Variants in GABRB3 observed in about 807,000 individuals in gnomAD.
GABRB3 encodes the protein gamma-aminobutyric acid receptor subunit beta-3.
A neutral mutation model predicts 52.1 loss-of-function variants in GABRB3; 14 were observed. The ratio of observed to expected loss-of-function variants is 0.27; its 90% CI spans 0.18 to 0.42. The LOEUF is 0.42. GABRB3 is among the 10% of genes least tolerant of loss of function. GABRB3 has a pLI of 1.00. For synonymous variants in GABRB3, 260 were observed against 232.3 expected, an observed-to-expected ratio of 1.12 and a Z score of -1.08; for missense variants, 307 against 609.1, an observed-to-expected ratio of 0.50 and a Z score of 5.22.
At chr15:26,696,613 T>C (rs932125279) in intron 3 of GABRB3, among the ~76,000 whole-genome samples, 6 of 152,156 alleles carry the variant, frequency 3.9e-5, no homozygotes, top group Non-Finnish European at 8.8e-5. Flanking sequence ...TGACACTGGA[T>C]CAACAGTTAC....
chr15:26,690,863 G>A (rs1043703672), intron 3 of GABRB3, among the ~76,000 whole-genome samples: 1 of 150,290 alleles, frequency 6.7e-6, no homozygotes, highest in African/African-American at 2.4e-5. Context: ...TGATTCTGGT[G>A]CAAGGAATTA....
chr15:26,683,439 T>C (rs1888301852), intron 3 of GABRB3, among the ~76,000 whole-genome samples: 1 of 151,992 alleles, frequency 6.6e-6, no homozygotes, highest in Non-Finnish European at 1.5e-5. Flanking sequence ...AATTGGTCTG[T>C]TCTTTGCTCC....
Position 26,560,920 on chromosome 15 carries a change from T to G in GABRB3, c.1080+12A>C. ...CAGGGACCAGGTGGGGTCAAGGTGG[T>G]GGAGAGCCTACCCGGTTGCTTTCGC... is the stretch of plus-strand genomic sequence containing the variant. On this transcript the variant is annotated intron_variant, in intron 8 of 8. Coordinates refer to ENST00000311550, the MANE Select transcript of GABRB3 (RefSeq NM_000814.6). The G allele has an allele frequency of 6.2e-7, 1 of 1,613,352 alleles. No homozygotes were observed. Among genetic ancestry groups the G allele is most frequent in the South Asian group, 1.1e-5 (1 of 91,034 alleles).
intron 3 of GABRB3, among the ~76,000 whole-genome samples, chr15:26,663,175 CCT>C (rs1463709506): frequency 6.6e-6 from 1 of 152,246 alleles, no homozygotes; most frequent in South Asian, 2.1e-4. Context: ...GACAGGCCTG[CCT>C]CGTGACCCCC....
chr15:26,582,731 T>C (rs1890832657), intron 5 of GABRB3, among the ~76,000 whole-genome samples: 1 of 152,202 alleles, frequency 6.6e-6, no homozygotes, highest in Non-Finnish European at 1.5e-5. Flanking sequence ...TAAATCCAAT[T>C]GAGACTAGTT....
At chr15:26,694,797 T>A (rs890174572) in intron 3 of GABRB3, among the ~76,000 whole-genome samples, 18 of 152,304 alleles carry the variant, frequency 1.2e-4, no homozygotes, top group Admixed American at 2.0e-4. Context: ...CTTAGGGCTC[T>A]AATAGAAAAA....
upstream of GABRB3, chr15:26,773,694 G>A (rs25409): frequency 4.4e-3 from 6,863 of 1,575,188 alleles, 20 homozygotes; most frequent in Non-Finnish European, 5.1e-3. Flanking sequence ...AGCCAGATGG[G>A]CAGCAGGAGC....
At chr15:26,615,404 T>C (rs1351651399) in intron 4 of GABRB3, 1 of 985,960 alleles carries the variant, frequency 1.0e-6, no homozygotes, top group Non-Finnish European at 1.2e-6. Context: ...TTCACCGTCA[T>C]ATTCAGCTGA....
intron 3 of GABRB3, among the ~76,000 whole-genome samples, chr15:26,697,131 G>A (rs1888766549): frequency 6.6e-6 from 1 of 152,172 alleles, no homozygotes; most frequent in African/African-American, 2.4e-5. Context: ...GATCCCCACA[G>A]ATTCCTTAGA....
At chr15:26,734,937 A>G (rs1890028433) in intron 3 of GABRB3, among the ~76,000 whole-genome samples, 1 of 152,160 alleles carries the variant, frequency 6.6e-6, no homozygotes, top group Admixed American at 6.5e-5. Context: ...ACAAAACCCT[A>G]TCAGTAGAGT....
chr15:26,723,028 C>A (rs1889683931), intron 3 of GABRB3, among the ~76,000 whole-genome samples: 1 of 152,130 alleles, frequency 6.6e-6, no homozygotes, highest in Admixed American at 6.5e-5. Context: ...AGAGTAGCTT[C>A]CAAAATGTCA....
At chr15:26,601,397 G>C (rs1313133297) in intron 4 of GABRB3, among the ~76,000 whole-genome samples, 1 of 149,948 alleles carries the variant, frequency 6.7e-6, no homozygotes, top group African/African-American at 2.4e-5. Flanking sequence ...GCGACACAGC[G>C]AAACTCCGTC....
intron 3 of GABRB3, among the ~76,000 whole-genome samples, chr15:26,698,643 G>C (rs1231123716): frequency 1.3e-4 from 19 of 151,726 alleles, no homozygotes; most frequent in Non-Finnish European, 1.5e-5. Context: ...GGAGGGAAGG[G>C]GCAACGTTAA....
chr15:26,739,622 T>C (rs139033297), intron 3 of GABRB3, among the ~76,000 whole-genome samples: 141 of 152,176 alleles, frequency 9.3e-4, no homozygotes, highest in Non-Finnish European at 1.5e-3. Context: ...AAATAGCAAA[T>C]ACTAGGTGTC....
chr15:26,636,456 CTCT>C (rs1252377761), intron 3 of GABRB3, among the ~76,000 whole-genome samples: 1 of 152,108 alleles, frequency 6.6e-6, no homozygotes, highest in Non-Finnish European at 1.5e-5. Flanking sequence ...CCAATTCTGC[CTCT>C]TCTTTTTAAT....
At chr15:26,730,925 T>G (rs188026175) in intron 3 of GABRB3, among the ~76,000 whole-genome samples, 1 of 152,352 alleles carries the variant, frequency 6.6e-6, no homozygotes, top group African/African-American at 2.4e-5. Flanking sequence ...TAATAGAAGC[T>G]AACAGATTAC....
chr15:26,663,965 T>C (rs150143463), intron 3 of GABRB3, among the ~76,000 whole-genome samples: 1 of 152,264 alleles, frequency 6.6e-6, no homozygotes, highest in Non-Finnish European at 1.5e-5. Flanking sequence ...ATTTTAACAC[T>C]TCAAACAAAA....
chr15:26,597,949 T>C (rs1891456372), intron 4 of GABRB3, among the ~76,000 whole-genome samples: 2 of 152,230 alleles, frequency 1.3e-5, no homozygotes, highest in African/African-American at 4.8e-5. Context: ...CCCAAGTCCC[T>C]GCTCTTTGCC....
At chr15:26,641,848 T>C (rs1424549142) in intron 3 of GABRB3, among the ~76,000 whole-genome samples, 3 of 151,852 alleles carry the variant, frequency 2.0e-5, no homozygotes, top group Non-Finnish European at 2.9e-5. Flanking sequence ...GTTTGAACTG[T>C]AGGGGCCCAC....
Sources: gnomAD v4.1 joint callset for allele counts (sites outside exome capture counted in the v4.1 genomes callset) on GRCh38, gnomAD v4.1.1 for gene constraint, MANE v1.5 for transcripts, NCBI Gene and HGNC (gene_info 2026-07-23, HGNC 2026-07-21) for gene names.